The following TSEN15 variants were observed in gnomAD, a reference collection of about 807,000 sequenced individuals.
The protein encoded by TSEN15 is tRNA splicing endonuclease subunit 15.
Under a neutral mutation model 20.5 loss-of-function variants are expected in TSEN15, and 10 were observed. That is an observed-to-expected ratio of 0.49 (90% CI 0.30 to 0.83). The LOEUF (loss-of-function observed/expected upper bound fraction) is 0.83. TSEN15 is among the 40% of genes least tolerant of loss of function. The probability of loss-of-function intolerance (pLI) is 0.06; values close to 1 mark genes in which losing one functional copy is unlikely to be tolerated. For synonymous variants in TSEN15, 72 were observed against 80.1 expected, an observed-to-expected ratio of 0.90 and a Z score of 0.54; for missense variants, 180 against 218.6, an observed-to-expected ratio of 0.82 and a Z score of 1.11.
chr1:184,073,021 CCTT>C lies in TSEN15; in HGVS notation c.*178_*180del. The C allele has an allele frequency of 1.7e-6, 1 of 605,664 alleles. No homozygotes were observed. The highest frequency in any genetic ancestry group is 3.0e-5 in the East Asian group (1 of 33,126). The allele number at this position is 605,664 out of a possible 1,614,324, so 37.5% of individuals were successfully genotyped here. ...AACTTCCCCAGGTAGAAGACTTTCTCCTTCTTAAAAAATATAGGGTGATTTCTT... is the reference window on the plus strand; with the variant it reads ...AACTTCCCCAGGTAGAAGACTTTCTCCTTAAAAAATATAGGGTGATTTCTT... On this transcript the variant is annotated 3_prime_UTR_variant, in exon 5 of 5. Transcript: ENST00000645668.
chr1:184,072,176 G>T lies in TSEN15; in HGVS notation c.373G>T (p.Ala125Ser). 1 of 1,613,418 alleles carries T rather than the reference G, an allele frequency of 6.2e-7. No individual in the cohort carries two copies. The highest frequency in any genetic ancestry group is 1.1e-5 in the South Asian group (1 of 91,044). ...TTTCAGGATAAGGGAGATCTTGAAGGCATCTCGAAAGTTGCAAGGTGATCC... is the reference window on the plus strand; with the variant it reads ...TTTCAGGATAAGGGAGATCTTGAAGTCATCTCGAAAGTTGCAAGGTGATCC... ...SHNRIREILK[A>S]SRKLQGDPDL... The change falls in exon 4 of 5, where the codon GCA (alanine) becomes TCA (serine). Residue 125 changes from alanine (A) to serine (S), a missense_variant. Ala to Ser is a moderately conservative substitution (Grantham distance 99). Coordinates refer to ENST00000645668, the MANE Select transcript of TSEN15 (RefSeq NM_052965.4).
chr1:184,084,542 A>C (rs1287233190), intron 3 of TSEN15, among the ~76,000 whole-genome samples: 3 of 151,730 alleles, frequency 2.0e-5, no homozygotes, highest in African/African-American at 7.3e-5. Flanking sequence ...GTGATAGTTA[A>C]AGAGCATTTT....
intron 3 of TSEN15, among the ~76,000 whole-genome samples, chr1:184,091,739 C>T (rs148753241): frequency 6.6e-6 from 1 of 152,050 alleles, no homozygotes; most frequent in Non-Finnish European, 1.5e-5. Context: ...ATCTATGGAG[C>T]CTGGAGTCCT....
chr1:184,081,584 A>C (rs1651170326), intron 3 of TSEN15, among the ~76,000 whole-genome samples: 1 of 152,202 alleles, frequency 6.6e-6, no homozygotes, highest in Non-Finnish European at 1.5e-5. Flanking sequence ...ACTTCCAGGT[A>C]ATAGAAAGGA....
intron 3 of TSEN15, among the ~76,000 whole-genome samples, chr1:184,083,875 T>C (rs749769976): frequency 6.6e-6 from 1 of 152,172 alleles, no homozygotes; most frequent in Non-Finnish European, 1.5e-5. Context: ...TTTTGCCACA[T>C]AGATCTTTCC....
chr1:184,084,336 G>T (rs1229942334), intron 3 of TSEN15, among the ~76,000 whole-genome samples: 1 of 151,906 alleles, frequency 6.6e-6, no homozygotes, highest in African/African-American at 2.4e-5. Context: ...AGCAGGGTAT[G>T]AAGAAGGTAG....
chr1:184,074,870 C>G (rs962236830), downstream of TSEN15, among the ~76,000 whole-genome samples: 11 of 151,700 alleles, frequency 7.3e-5, no homozygotes, highest in African/African-American at 2.4e-4. Context: ...CTCTGCTTCC[C>G]CAGAGGACAT....
intron 3 of TSEN15, among the ~76,000 whole-genome samples, chr1:184,083,798 G>A (rs1172205219): frequency 6.6e-6 from 1 of 152,092 alleles, no homozygotes; most frequent in African/African-American, 2.4e-5. Context: ...AAAATGAAAG[G>A]AGTTGGTGCA....
At chr1:184,062,827 A>G (rs1650516348) in intron 3 of TSEN15, among the ~76,000 whole-genome samples, 1 of 152,022 alleles carries the variant, frequency 6.6e-6, no homozygotes, top group Non-Finnish European at 1.5e-5. Context: ...GTAAGATACA[A>G]GAGGTGGGAA....
At chr1:184,070,001 T>C (rs976762111) in intron 3 of TSEN15, among the ~76,000 whole-genome samples, 5 of 152,018 alleles carry the variant, frequency 3.3e-5, no homozygotes, top group Non-Finnish European at 7.4e-5. Context: ...TTGACAGTGA[T>C]TTCTCTCAAC....
intron 3 of TSEN15, among the ~76,000 whole-genome samples, chr1:184,084,124 T>C (rs1216530337): frequency 6.6e-6 from 1 of 152,104 alleles, no homozygotes; most frequent in African/African-American, 2.4e-5. Flanking sequence ...GGACAAAGTG[T>C]GTCCTTCCAG....
chr1:184,054,881 G>C lies in TSEN15; in HGVS notation c.353+18G>C, dbSNP rs765679627. 15 of 1,603,950 alleles carry C rather than the reference G, an allele frequency of 9.4e-6. No individual in the cohort carries two copies. The highest frequency in any genetic ancestry group is 1.7e-5 in the Admixed American group (1 of 57,906). ...CATAACAGGTGAGCAGGTGATTTTG[G>C]TCTAAGTTCCTTTCCCGAGTAAAGC... is the stretch of plus-strand genomic sequence containing the variant. On this transcript the variant is annotated intron_variant, in intron 3 of 4. Coordinates refer to ENST00000645668, the MANE Select transcript of TSEN15 (RefSeq NM_052965.4).
At chr1:184,061,676 T>C (rs1650460898) in intron 3 of TSEN15, among the ~76,000 whole-genome samples, 2 of 152,176 alleles carry the variant, frequency 1.3e-5, no homozygotes, top group South Asian at 2.1e-4. Context: ...ATTTATTTTA[T>C]GGTGTATATG....
At position 184,072,966 on chromosome 1, in the gene TSEN15, A is replaced by G; in HGVS notation, c.*119A>G. 1 of 956,766 alleles carries G rather than the reference A, an allele frequency of 1.0e-6. No homozygotes were observed. Among genetic ancestry groups the G allele is most frequent in the Non-Finnish European group, 1.6e-6 (1 of 633,744 alleles). The allele number at this position is 956,766 out of a possible 1,614,324, so 59.3% of individuals were successfully genotyped here. A position where few individuals can be genotyped will look rare whatever the true frequency, so the allele number is the denominator to read the frequency against. On this transcript the variant is annotated 3_prime_UTR_variant, in exon 5 of 5. Transcript: ENST00000645668. ...GTACATAGTGAGGGTTGACTTCCCC[A>G]TTCCATAAGGTTTTCATTCTGAAGA...
At chr1:184,068,787 T>C (rs1650782640) in intron 3 of TSEN15, among the ~76,000 whole-genome samples, 2 of 152,198 alleles carry the variant, frequency 1.3e-5, no homozygotes, top group African/African-American at 4.8e-5. Context: ...TGTCATTCCA[T>C]TATATCATAA....
chr1:184,081,075 A>G (rs1431199645), intron 3 of TSEN15, among the ~76,000 whole-genome samples: 1 of 152,220 alleles, frequency 6.6e-6, no homozygotes, highest in Non-Finnish European at 1.5e-5. Context: ...CTAAATGTTT[A>G]TTCTCAATTT....
At chr1:184,078,200 A>G (rs1335923904), downstream of TSEN15, among the ~76,000 whole-genome samples, 1 of 152,192 alleles carries the variant, frequency 6.6e-6, no homozygotes, top group African/African-American at 2.4e-5. Context: ...ACTCTCCACC[A>G]GCAAAAAGAT....
intron 3 of TSEN15, among the ~76,000 whole-genome samples, chr1:184,061,983 CTT>C (rs1189020066): frequency 6.6e-6 from 1 of 152,106 alleles, no homozygotes; most frequent in Non-Finnish European, 1.5e-5. Flanking sequence ...AGTTAAAACA[CTT>C]TGTCATATTT....
intron 3 of TSEN15, among the ~76,000 whole-genome samples, chr1:184,087,980 C>A (rs1651293538): frequency 6.6e-6 from 1 of 152,106 alleles, no homozygotes; most frequent in Non-Finnish European, 1.5e-5. Flanking sequence ...TAGGGGAGAC[C>A]TAAGCTCCTG....
Sources: gnomAD v4.1 joint callset for allele counts (sites outside exome capture counted in the v4.1 genomes callset) on GRCh38, gnomAD v4.1.1 for gene constraint, MANE v1.5 for transcripts, NCBI Gene and HGNC (gene_info 2026-07-23, HGNC 2026-07-21) for gene names.